GRHL2: variants seen among roughly 807,000 people sequenced by gnomAD.
GRHL2 encodes grainyhead like transcription factor 2, also known as grainyhead-like protein 2 homolog.
In GRHL2, 21 loss-of-function variants were observed where a neutral mutation model predicts 83.8. The observed-to-expected ratio is 0.25, with a 90% CI of 0.18 to 0.36. The LOEUF is 0.36. Ranked by LOEUF, GRHL2 falls within the 10% of genes least tolerant of loss-of-function variation. The pLI is 1.00. For synonymous variants in GRHL2, 280 were observed against 278.9 expected (o/e 1.00, Z -0.04); for missense variants, 623 against 781.8 (o/e 0.80, Z 2.42).
At chr8:101,645,115 AATTTTTTTTTTTTTTTT>A (rs1191214891) in intron 13 of GRHL2, among the ~76,000 whole-genome samples, 1 of 121,346 alleles carries the variant, frequency 8.2e-6, no homozygotes, top group East Asian at 2.4e-4. Flanking sequence ...AGCAGTACAG[AATTTTTTTTTTTTTTTT>A]TTTTTTTTTT....
At chr8:101,565,555 T>A (rs11996495) in intron 4 of GRHL2, among the ~76,000 whole-genome samples, 13,800 of 152,202 alleles carry the variant, frequency 0.091, 773 homozygotes, top group African/African-American at 0.15. Context: ...ATCATCTCTA[T>A]GTGTGGTTTC....
At chr8:101,517,256 C>G (rs1396101297) in intron 1 of GRHL2, among the ~76,000 whole-genome samples, 1 of 152,146 alleles carries the variant, frequency 6.6e-6, no homozygotes, top group Non-Finnish European at 1.5e-5. Context: ...CTCCCTGCCC[C>G]CTTCCCAGTT....
intron 4 of GRHL2, among the ~76,000 whole-genome samples, chr8:101,560,176 TTGTGTGTG>T (rs35280910): frequency 3.4e-5 from 5 of 148,958 alleles, no homozygotes; most frequent in African/African-American, 4.9e-5. Context: ...TGGCTAAATT[TTGTGTGTG>T]TGTGTGTGTG....
Position 101,629,568 on chromosome 8 carries a change from A to G in GRHL2, c.1258-2069A>G, listed in dbSNP as rs547524451. Among the ~76,000 whole-genome samples the G allele has an allele frequency of 2.0e-5, 3 of 152,238 alleles. No homozygotes were observed. In the South Asian group the frequency reaches 6.2e-4, roughly 32 times the overall value. The stretch of plus-strand genomic sequence containing the variant: ...CCTTTCCTCATAAATAGTACAAAAT[A>G]AAACATTAACTCAGAAATCAAATTC... On this transcript the variant is annotated intron_variant, in intron 9 of 15. Coordinates refer to ENST00000646743, the MANE Select transcript of GRHL2 (RefSeq NM_024915.4).
chr8:101,677,764 T>C, the GRHL2 span, among the ~76,000 whole-genome samples: 1 of 151,992 alleles, frequency 6.6e-6, no homozygotes, highest in Non-Finnish European at 1.5e-5. Flanking sequence ...ATTGTGCGCA[T>C]TCCCAAGGGT....
At position 101,595,659 on chromosome 8, in the gene GRHL2, C is replaced by A. The variant is rs138043874; in HGVS notation, c.1004-3398C>A. Among the ~76,000 whole-genome samples, 828 of 152,126 alleles carry A rather than the reference C, an allele frequency of 5.4e-3. 13 individuals carry two copies. Among genetic ancestry groups the A allele is most frequent in the East Asian group, 0.047 (244 of 5,180 alleles). On this transcript the variant is annotated intron_variant, in intron 7 of 15. Transcript: ENST00000646743. ...AATCATCCCAAGTATAGTCGTATAA[C>A]CTTATTCTAAATTTGAAAGATATAA...
intron 2 of GRHL2, among the ~76,000 whole-genome samples, chr8:101,548,111 A>G (rs909409753): frequency 1.3e-5 from 2 of 152,192 alleles, no homozygotes; most frequent in African/African-American, 2.4e-5. Flanking sequence ...CTGGAAACCA[A>G]TTTGTTGGTT....
chr8:101,644,506 A>C (rs1813469355), intron 13 of GRHL2, among the ~76,000 whole-genome samples: 1 of 152,258 alleles, frequency 6.6e-6, no homozygotes, highest in Admixed American at 6.5e-5. Flanking sequence ...GTTAAGAACG[A>C]AACTCTTGCT....
intron 1 of GRHL2, chr8:101,528,994 C>A: frequency 5.4e-6 from 2 of 368,010 alleles, no homozygotes; most frequent in South Asian, 4.3e-5. Context: ...CTTCTGCATT[C>A]TCTCTCCCTG....
chr8:101,515,870 T>C (rs1239274735), intron 1 of GRHL2, among the ~76,000 whole-genome samples: 1 of 152,186 alleles, frequency 6.6e-6, no homozygotes, highest in Non-Finnish European at 1.5e-5. Context: ...CTTTCATAGT[T>C]ACTGTACGTA....
chr8:101,625,912 A>T (rs1036486285), intron 9 of GRHL2, among the ~76,000 whole-genome samples: 1 of 152,020 alleles, frequency 6.6e-6, no homozygotes, highest in Admixed American at 6.6e-5. Context: ...CAGGAAAATC[A>T]TAAGGAAGAA....
At chr8:101,565,838 C>T (rs1452115254) in intron 4 of GRHL2, among the ~76,000 whole-genome samples, 1 of 152,204 alleles carries the variant, frequency 6.6e-6, no homozygotes, top group African/African-American at 2.4e-5. Context: ...TATTTCATAA[C>T]TCAACTCCAG....
intron 4 of GRHL2, among the ~76,000 whole-genome samples, chr8:101,568,348 C>T (rs1811757198): frequency 6.6e-6 from 1 of 152,210 alleles, no homozygotes; most frequent in Non-Finnish European, 1.5e-5. Flanking sequence ...TCGTTTTTGT[C>T]TTGACTCATG....
At chr8:101,666,539 C>T in intron 15 of GRHL2, 50 bp from the exon 16 acceptor site, 2 of 1,094,192 alleles carry the variant, frequency 1.8e-6, no homozygotes, top group South Asian at 1.3e-5. Context: ...GCCCTGGGCA[C>T]ATTGTTCACG....
At chr8:101,599,209 T>C in intron 8 of GRHL2, 58 bp downstream of exon 8, 4 of 1,138,322 alleles carry the variant, frequency 3.5e-6, no homozygotes, top group South Asian at 2.5e-5. Flanking sequence ...CTCAGCAGTT[T>C]ATTCTTTTTT....
At chr8:101,579,615 T>C (rs1422135806) in intron 7 of GRHL2, among the ~76,000 whole-genome samples, 1 of 152,218 alleles carries the variant, frequency 6.6e-6, no homozygotes, top group East Asian at 1.9e-4. Context: ...AATCTCAACC[T>C]GACATCTGCT....
intron 7 of GRHL2, among the ~76,000 whole-genome samples, chr8:101,592,452 T>C (rs1812307394): frequency 6.6e-6 from 1 of 152,142 alleles, no homozygotes; most frequent in South Asian, 2.1e-4. Context: ...GGCACCAAAA[T>C]AATCCAATAA....
chr8:101,531,750 T>C (rs892263940), intron 1 of GRHL2, among the ~76,000 whole-genome samples: 1 of 152,120 alleles, frequency 6.6e-6, no homozygotes, highest in African/African-American at 2.4e-5. Flanking sequence ...TTATTTCCAA[T>C]CCTTTTACTT....
At chr8:101,573,382 A>G (rs1811865345) in intron 5 of GRHL2, among the ~76,000 whole-genome samples, 1 of 152,124 alleles carries the variant, frequency 6.6e-6, no homozygotes, top group Non-Finnish European at 1.5e-5. Context: ...AAGATCTACC[A>G]GGGGTTCTCC....
Sources: allele counts gnomAD v4.1 joint callset (sites outside exome capture counted in the v4.1 genomes callset), GRCh38; gene constraint gnomAD v4.1.1; transcripts MANE v1.5; gene names NCBI Gene and HGNC (gene_info 2026-07-23, HGNC 2026-07-21).